FBXO40: variants seen among roughly 807,000 people sequenced by gnomAD.
The protein encoded by FBXO40 is F-box protein 40, also known as F-box only protein 40.
FBXO40 carries 50 observed loss-of-function variants against 49.9 expected under a neutral mutation model. The ratio of observed to expected loss-of-function variants is 1.00; its 90% CI spans 0.80 to 1.27. The LOEUF (loss-of-function observed/expected upper bound fraction) is 1.27. Ranked by LOEUF, FBXO40 falls within the 50% of genes most tolerant of loss-of-function variation. The pLI is 0.00. For synonymous variants in FBXO40, 340 were observed against 320.2 expected (o/e 1.06, Z -0.66); for missense variants, 895 against 870.1 (o/e 1.03, Z -0.36).
intron 1 of FBXO40, among the ~76,000 whole-genome samples, chr3:121,607,108 T>C (rs1477869720): frequency 1.3e-5 from 2 of 151,752 alleles, no homozygotes; most frequent in African/African-American, 2.4e-5. Flanking sequence ...CTACTAAAAA[T>C]ACAAAAATTA....
At chr3:121,603,420 A>G (rs556169338) in intron 1 of FBXO40, among the ~76,000 whole-genome samples, 14 of 152,376 alleles carry the variant, frequency 9.2e-5, no homozygotes, top group African/African-American at 3.1e-4. Context: ...TGATGTGCTC[A>G]CTAAAGGTAG....
intron 1 of FBXO40, among the ~76,000 whole-genome samples, chr3:121,611,824 A>G (rs2048967395): frequency 6.6e-6 from 1 of 152,246 alleles, no homozygotes; most frequent in African/African-American, 2.4e-5. Context: ...TATTGAGACT[A>G]GAGAATGGCG....
intron 1 of FBXO40, among the ~76,000 whole-genome samples, chr3:121,602,909 C>T (rs1310116551): frequency 6.6e-6 from 1 of 152,176 alleles, no homozygotes; most frequent in African/African-American, 2.4e-5. Context: ...TATTCTGCTC[C>T]ATCACAGTCC....
rs777961707 is a variant in FBXO40 at position 121,627,175 on chromosome 3, T to C, written c.*265T>C. On this transcript the variant is annotated 3_prime_UTR_variant, in exon 4 of 4. Transcript: ENST00000338040. ...TTTTTTCTTTCTTTCTAAAATAGAT[T>C]GGTCTGAGAAGAAAATAAGTAATTT... 6.8e-6 allele frequency: 3 copies of C among 439,432 alleles called. No homozygotes were observed. Among genetic ancestry groups the C allele is most frequent in the Non-Finnish European group, 8.2e-6 (2 of 242,654 alleles). 27.2% of individuals were successfully genotyped at this position (439,432 alleles called of 1,614,324 possible).
chr3:121,607,626 T>G (rs2048939387), intron 1 of FBXO40, among the ~76,000 whole-genome samples: 1 of 151,864 alleles, frequency 6.6e-6, no homozygotes, highest in African/African-American at 2.4e-5. Context: ...CTAAAGCTCT[T>G]TTGGATCAAG....
intron 1 of FBXO40, among the ~76,000 whole-genome samples, chr3:121,618,351 C>T (rs1051321782): frequency 2.7e-5 from 4 of 149,272 alleles, no homozygotes; most frequent in Admixed American, 6.7e-5. Context: ...AGGGATAAAG[C>T]GTCTTATATC....
chr3:121,618,205 C>T (rs1363972959), intron 1 of FBXO40, among the ~76,000 whole-genome samples: 1 of 151,788 alleles, frequency 6.6e-6, no homozygotes, highest in Non-Finnish European at 1.5e-5. Context: ...AATAACTATA[C>T]TAGACATTTT....
intron 1 of FBXO40, among the ~76,000 whole-genome samples, chr3:121,594,358 G>T (rs570545007): frequency 6.6e-6 from 1 of 151,052 alleles, no homozygotes; most frequent in Admixed American, 6.6e-5. Context: ...GTGCCACCAC[G>T]CCTGGCTAAT....
chr3:121,627,006 A>G lies in FBXO40; in HGVS notation c.*96A>G, dbSNP rs1281820725. On this transcript the variant is annotated 3_prime_UTR_variant, in exon 4 of 4. Transcript: ENST00000338040. Reference sequence around the variant, plus strand: ...TGGTTTTGAGGACTCCCTTCTGTAAACTGCCTATTTGCTTATCGGGGTGTA... The same window carrying G: ...TGGTTTTGAGGACTCCCTTCTGTAAGCTGCCTATTTGCTTATCGGGGTGTA... 8.7e-6 allele frequency: 10 copies of G among 1,153,252 alleles called. No individual in the cohort carries two copies. Among genetic ancestry groups the G allele is most frequent in the Non-Finnish European group, 1.1e-5 (9 of 789,438 alleles). The allele number at this position is 1,153,252 out of a possible 1,614,324, so 71.4% of individuals were successfully genotyped here.
In FBXO40 at chr3:121,630,084, A is replaced by G. The variant is rs897072675; in HGVS notation, c.*3174A>G. The G allele has an allele frequency of 6.6e-6, 1 of 152,252 alleles. No homozygotes were observed. The highest frequency in any genetic ancestry group is 1.5e-5 in the Non-Finnish European group (1 of 68,052). 9.4% of individuals were successfully genotyped at this position (152,252 alleles called of 1,614,324 possible). A position where few individuals can be genotyped will look rare whatever the true frequency, so the allele number is the denominator to read the frequency against. ...TAGTAGCATAAGGGTCTGGAAAAGA[A>G]GTTTCTATCTCACAACAAAGGAAAA... is the stretch of plus-strand genomic sequence containing the variant. On this transcript the variant is annotated 3_prime_UTR_variant, in exon 4 of 4. Coordinates refer to ENST00000338040, the MANE Select transcript of FBXO40 (RefSeq NM_016298.4).
At position 121,621,868 on chromosome 3, in the gene FBXO40, T is replaced by C. The variant is rs770070135; in HGVS notation, c.439T>C (p.Phe147Leu). ...LFRSLKMVEL[F>L]PETREATEEE... ...CAGATCCTTGAAAATGGTGGAACTT[T>C]TCCCAGAAACTAGAGAGGCTACTGA... is the stretch of plus-strand genomic sequence containing the variant. The change falls in exon 3 of 4, where the codon TTC becomes CTC. Residue 147 changes from phenylalanine to leucine, a missense_variant. Phe to Leu is a conservative substitution (Grantham distance 22). Coordinates refer to ENST00000338040, the MANE Select transcript of FBXO40 (RefSeq NM_016298.4). The C allele has an allele frequency of 1.2e-6, 2 of 1,614,180 alleles. No homozygotes were observed. The highest frequency in any genetic ancestry group is 4.5e-5 in the East Asian group (2 of 44,882).
chr3:121,626,997 C>T lies in FBXO40; in HGVS notation c.*87C>T. 1 of 1,210,444 alleles carries T rather than the reference C, an allele frequency of 8.3e-7. No homozygotes were observed. Among genetic ancestry groups the T allele is most frequent in the South Asian group, 1.3e-5 (1 of 78,304 alleles). 75.0% of individuals were successfully genotyped at this position (1,210,444 alleles called of 1,614,324 possible). A position where few individuals can be genotyped will look rare whatever the true frequency, so the allele number is the denominator to read the frequency against. On this transcript the variant is annotated 3_prime_UTR_variant, in exon 4 of 4. Transcript: ENST00000338040. ...CAGAGTGTGTGGTTTTGAGGACTCC[C>T]TTCTGTAAACTGCCTATTTGCTTAT...
intron 1 of FBXO40, among the ~76,000 whole-genome samples, chr3:121,615,659 G>A (rs1223674557): frequency 6.6e-6 from 1 of 152,132 alleles, no homozygotes; most frequent in East Asian, 1.9e-4. Context: ...GCTCACTAAA[G>A]GTAGCAGCTG....
intron 3 of FBXO40, among the ~76,000 whole-genome samples, chr3:121,625,078 A>G (rs945969813): frequency 2.4e-4 from 37 of 152,334 alleles, no homozygotes; most frequent in Admixed American, 2.2e-3. Flanking sequence ...TGCTAATTTA[A>G]TTGTTCAAAA....
chr3:121,618,011 A>G (rs1374843578), intron 1 of FBXO40, among the ~76,000 whole-genome samples: 1 of 152,228 alleles, frequency 6.6e-6, no homozygotes, highest in Non-Finnish European at 1.5e-5. Flanking sequence ...AAAAGCTAAA[A>G]GAGAAGAATT....
In FBXO40 at chr3:121,621,582, G is replaced by A. The variant is rs2049030451; in HGVS notation, c.153G>A (p.Glu51=). The change falls in exon 3 of 4, where the codon GAG becomes GAA. Residue 51 remains glutamate (E), a synonymous_variant. Transcript: ENST00000338040. ...GTGCCACCTTCCACATGTGCAAAGAGGCAGAGCACCAGCTCCTCTGCCCTT... is the reference window on the plus strand; with the variant it reads ...GTGCCACCTTCCACATGTGCAAAGAAGCAGAGCACCAGCTCCTCTGCCCTT... The part of the protein sequence containing the change: ...LCGATFHMCK[E]AEHQLLCPLE... 1 of 1,614,250 alleles carries A rather than the reference G, an allele frequency of 6.2e-7. No homozygotes were observed. Among genetic ancestry groups the A allele is most frequent in the South Asian group, 1.1e-5 (1 of 91,090 alleles).
chr3:121,621,434 G>C lies in FBXO40; in HGVS notation c.5G>C (p.Gly2Ala). 1 of 1,611,350 alleles carries C rather than the reference G, an allele frequency of 6.2e-7. No homozygotes were observed. Among genetic ancestry groups the C allele is most frequent in the Non-Finnish European group, 8.5e-7 (1 of 1,178,502 alleles). M[G>A]KARRSPPGHH... ...TCCCCCTGTCCTTGGTGTGTCCAGG[G>C]GAAAGCCCGCAGATCCCCGCCAGGG... The change falls in exon 3 of 4, where the codon GGG (glycine) becomes GCG (alanine). Residue 2 changes from glycine (G) to alanine (A), a missense_variant and splice_region_variant. Coordinates refer to ENST00000338040, the MANE Select transcript of FBXO40 (RefSeq NM_016298.4).
intron 1 of FBXO40, among the ~76,000 whole-genome samples, chr3:121,614,621 G>A (rs998270179): frequency 6.6e-6 from 1 of 152,012 alleles, no homozygotes; most frequent in Admixed American, 6.6e-5. Flanking sequence ...CATCTCATAG[G>A]GCCAAATCCG....
intron 1 of FBXO40, among the ~76,000 whole-genome samples, chr3:121,613,405 T>A (rs2048978222): frequency 6.6e-6 from 1 of 152,260 alleles, no homozygotes; most frequent in African/African-American, 2.4e-5. Context: ...GAAGAAAAGA[T>A]GATGAACCAA....
Sources: gnomAD v4.1 joint callset for allele counts (sites outside exome capture counted in the v4.1 genomes callset) on GRCh38, gnomAD v4.1.1 for gene constraint, MANE v1.5 for transcripts, NCBI Gene and HGNC (gene_info 2026-07-23, HGNC 2026-07-21) for gene names.